The following GCSAML variants were observed in gnomAD, a reference collection of about 807,000 sequenced individuals.
The protein encoded by GCSAML is germinal center-associated signaling and motility-like protein.
A neutral mutation model predicts 13.0 loss-of-function variants in GCSAML; 9 were observed. The ratio of observed to expected loss-of-function variants is 0.69; its 90% CI spans 0.42 to 1.21. GCSAML has a LOEUF of 1.21. GCSAML is among the 50% of genes most tolerant of loss of function. The pLI is 0.00. For missense variants in GCSAML, 143 were observed against 153.4 expected (o/e 0.93, Z 0.36); for synonymous variants, 37 against 52.9 (o/e 0.70, Z 1.31).
intron 3 of GCSAML, among the ~76,000 whole-genome samples, 154 bp downstream of exon 3, chr1:247,563,793 T>C (rs1230236363): frequency 6.6e-6 from 1 of 152,216 alleles, no homozygotes; most frequent in Non-Finnish European, 1.5e-5. Context: ...TCATTCTTGG[T>C]ATTAAAGTAA....
chr1:247,521,555 T>A (rs1271141180), intron 1 of GCSAML, among the ~76,000 whole-genome samples: 1 of 152,124 alleles, frequency 6.6e-6, no homozygotes, highest in East Asian at 1.9e-4. Context: ...GGTTTTCGTA[T>A]TTTTTTGGTG....
At chr1:247,524,106 G>A (rs1194771813) in intron 1 of GCSAML, among the ~76,000 whole-genome samples, 1 of 151,982 alleles carries the variant, frequency 6.6e-6, no homozygotes, top group Non-Finnish European at 1.5e-5. Context: ...CAATCTGGAA[G>A]ATCGCAGGCC....
chr1:247,514,092 T>C (rs1666134432), intron 1 of GCSAML, among the ~76,000 whole-genome samples: 1 of 151,974 alleles, frequency 6.6e-6, no homozygotes, highest in Non-Finnish European at 1.5e-5. Flanking sequence ...GCCATTCTCC[T>C]GCCTCAGCCT....
At chr1:247,518,041 G>A (rs548197944) in intron 1 of GCSAML, among the ~76,000 whole-genome samples, 9 of 152,126 alleles carry the variant, frequency 5.9e-5, no homozygotes, top group Non-Finnish European at 8.8e-5. Context: ...CTCAGCGACC[G>A]GGCCCTTCTC....
At chr1:247,524,550 GAAA>G (rs1666581383) in intron 1 of GCSAML, 5 of 152,176 alleles carry the variant, frequency 3.3e-5, no homozygotes, top group African/African-American at 1.2e-4. Context: ...TGCATCCTAT[GAAA>G]GCAGGGATAT....
upstream of GCSAML, among the ~76,000 whole-genome samples, chr1:247,546,483 C>T (rs111853494): frequency 4.6e-5 from 7 of 152,162 alleles, no homozygotes; most frequent in Middle Eastern, 6.8e-3. Flanking sequence ...CTCAGCCTCC[C>T]GAGTAGCTGG....
chr1:247,547,380 G>C (rs1398879371), upstream of GCSAML, among the ~76,000 whole-genome samples: 2 of 152,122 alleles, frequency 1.3e-5, no homozygotes, highest in African/African-American at 4.8e-5. Context: ...TTGTTTACCA[G>C]ACCAATTTAT....
chr1:247,516,103 G>C (rs917549035), intron 1 of GCSAML, among the ~76,000 whole-genome samples: 1 of 152,108 alleles, frequency 6.6e-6, no homozygotes, highest in African/African-American at 2.4e-5. Flanking sequence ...AATGTGAATC[G>C]AAGGCCTAAA....
upstream of GCSAML, among the ~76,000 whole-genome samples, chr1:247,546,390 G>A (rs772008211): frequency 3.3e-5 from 5 of 151,840 alleles, no homozygotes; most frequent in African/African-American, 7.3e-5. Context: ...GACGAGTCTC[G>A]CTCTGTCACC....
intron 3 of GCSAML, 110 bp downstream of exon 3, chr1:247,563,749 T>G (rs1668229160): frequency 1.9e-6 from 1 of 530,352 alleles, no homozygotes; most frequent in Non-Finnish European, 3.4e-6. Context: ...AAGAGGCTGC[T>G]TGGAGTTCTT....
intron 1 of GCSAML, among the ~76,000 whole-genome samples, chr1:247,519,905 G>A (rs184426635): frequency 3.3e-5 from 5 of 152,314 alleles, no homozygotes; most frequent in Admixed American, 2.0e-4. Flanking sequence ...CTTAGCATGG[G>A]AGAGTTTGCC....
intron 4 of GCSAML, among the ~76,000 whole-genome samples, chr1:247,567,153 A>ATTAT (rs951028220): frequency 6.6e-4 from 99 of 149,678 alleles, no homozygotes; most frequent in South Asian, 4.4e-3. Context: ...TATATATTTT[A>ATTAT]TTATTTATTT....
chr1:247,543,793 A>T (rs80211837), intron 2 of GCSAML, among the ~76,000 whole-genome samples: 2 of 151,712 alleles, frequency 1.3e-5, no homozygotes, highest in Admixed American at 1.3e-4. Flanking sequence ...TAATCTTATT[A>T]AAAAAATTTT....
chr1:247,531,696 G>T (rs1666967942), intron 2 of GCSAML: 3 of 1,614,160 alleles, frequency 1.9e-6, no homozygotes, highest in African/African-American at 1.3e-5. Context: ...CTATGAACTT[G>T]CCCTGCTCAT....
At chr1:247,554,728 T>C (rs546004574) in intron 1 of GCSAML, among the ~76,000 whole-genome samples, 1 of 152,284 alleles carries the variant, frequency 6.6e-6, no homozygotes, top group East Asian at 1.9e-4. Flanking sequence ...TATAGCTTAT[T>C]GGGTTTTAAT....
chr1:247,546,390 G>C (rs772008211), upstream of GCSAML, among the ~76,000 whole-genome samples: 50 of 151,958 alleles, frequency 3.3e-4, no homozygotes, highest in Middle Eastern at 6.8e-3. Flanking sequence ...GACGAGTCTC[G>C]CTCTGTCACC....
chr1:247,558,371 C>A (rs1190871964), intron 2 of GCSAML, among the ~76,000 whole-genome samples: 2 of 152,124 alleles, frequency 1.3e-5, no homozygotes, highest in Non-Finnish European at 2.9e-5. Flanking sequence ...ACAGTATGAG[C>A]TCTTTCAAGT....
At chr1:247,558,239 T>C (rs965969232) in intron 2 of GCSAML, among the ~76,000 whole-genome samples, 1 of 152,206 alleles carries the variant, frequency 6.6e-6, no homozygotes, top group African/African-American at 2.4e-5. Context: ...AGTTTCCTTT[T>C]TGGCTAATTT....
chr1:247,573,451 C>T (rs991168235), intron 4 of GCSAML, among the ~76,000 whole-genome samples: 1 of 152,140 alleles, frequency 6.6e-6, no homozygotes, highest in Non-Finnish European at 1.5e-5. Context: ...GGGAGTTCCC[C>T]AATCCCTTGC....
Sources: allele counts gnomAD v4.1 joint callset (sites outside exome capture counted in the v4.1 genomes callset), GRCh38; gene constraint gnomAD v4.1.1; transcripts MANE v1.5; gene names NCBI Gene and HGNC (gene_info 2026-07-23, HGNC 2026-07-21).